Variants in IGSF10 observed in about 807,000 individuals in gnomAD.
IGSF10 encodes the protein calvaria mechanical force protein 608.
In IGSF10, 126 loss-of-function variants were observed where a neutral mutation model predicts 128.2. The observed-to-expected ratio is 0.98, with a 90% CI of 0.85 to 1.14. IGSF10 has a LOEUF of 1.14. Among genes scored for constraint, IGSF10 ranks in the 50% most tolerant of loss-of-function variants. IGSF10 has a pLI of 0.00. For missense variants in IGSF10, 3,295 were observed against 3,149.8 expected (o/e 1.05, Z -1.10); for synonymous variants, 1,185 against 1,146.2 (o/e 1.03, Z -0.68).
In IGSF10 at chr3:151,438,432, C is replaced by T. The variant is rs1560171506; in HGVS notation, c.6129G>A (p.Lys2043=). 6.2e-7 allele frequency: 1 copy of T among 1,614,110 alleles called. No homozygotes were observed. Among genetic ancestry groups the T allele is most frequent in the Non-Finnish European group, 8.5e-7 (1 of 1,180,022 alleles). ...GGAGCACTTGCTTTCTAAAATACTG[C>T]TTGTGGTCAATTTTGGCAGGTTTCA... ...LRLKPAKIDH[K]QYFRKQVLHG... Residue 2043 remains lysine (K), a synonymous_variant, in exon 8 of 8, where the codon AAG becomes AAA. Transcript: ENST00000282466.
the IGSF10 span, among the ~76,000 whole-genome samples, chr3:151,587,453 A>T: frequency 1.1e-4 from 17 of 152,208 alleles, no homozygotes; most frequent in African/African-American, 3.9e-4. Flanking sequence ...TAAAAAGAGT[A>T]GCTAACTTTT....
At chr3:151,515,271 T>C in the IGSF10 span, among the ~76,000 whole-genome samples, 1 of 151,800 alleles carries the variant, frequency 6.6e-6, no homozygotes, top group South Asian at 2.1e-4. Flanking sequence ...ATGTATGCCA[T>C]GGAATACTAC....
At chr3:151,442,880 A>T in intron 7 of IGSF10, 104 bp downstream of exon 7, 1 of 930,380 alleles carries the variant, frequency 1.1e-6, no homozygotes, top group Non-Finnish European at 1.6e-6. Context: ...GTCTATGTGT[A>T]CTCTAAAACT....
At chr3:151,610,216 G>A in the IGSF10 span, among the ~76,000 whole-genome samples, 1 of 152,134 alleles carries the variant, frequency 6.6e-6, no homozygotes, top group Non-Finnish European at 1.5e-5. Context: ...GATAGGACTT[G>A]CTACATATCT....
the IGSF10 span, among the ~76,000 whole-genome samples, chr3:151,561,920 G>A: frequency 2.0e-5 from 3 of 152,230 alleles, no homozygotes; most frequent in East Asian, 5.8e-4. Context: ...TAACCCATGT[G>A]TATAGCCTTG....
the IGSF10 span, among the ~76,000 whole-genome samples, chr3:151,541,302 A>C: frequency 6.6e-6 from 1 of 152,202 alleles, no homozygotes. Context: ...ACTTCAAGAC[A>C]GTATATCTTT....
the IGSF10 span, among the ~76,000 whole-genome samples, chr3:151,615,967 T>TTTTG: frequency 1.3e-5 from 2 of 149,430 alleles, no homozygotes. Flanking sequence ...TTTTGAGGTT[T>TTTTG]TTTTTTTTTT....
At chr3:151,561,534 T>C in the IGSF10 span, among the ~76,000 whole-genome samples, 2 of 152,156 alleles carry the variant, frequency 1.3e-5, no homozygotes, top group African/African-American at 2.4e-5. Context: ...ATATAAATAT[T>C]ATTTAATAGG....
At chr3:151,507,019 G>A in the IGSF10 span, among the ~76,000 whole-genome samples, 1 of 152,164 alleles carries the variant, frequency 6.6e-6, no homozygotes, top group Non-Finnish European at 1.5e-5. Flanking sequence ...TGCTTGATTT[G>A]ACTGTGAGCT....
chr3:151,522,667 G>C, the IGSF10 span, among the ~76,000 whole-genome samples: 15 of 152,104 alleles, frequency 9.9e-5, no homozygotes, highest in African/African-American at 3.6e-4. Context: ...TTTCAAACTA[G>C]GTATTGATGG....
At chr3:151,618,045 A>T in the IGSF10 span, among the ~76,000 whole-genome samples, 1 of 152,182 alleles carries the variant, frequency 6.6e-6, no homozygotes, top group East Asian at 1.9e-4. Context: ...AAAGATTTAA[A>T]CCTAATCCCC....
At chr3:151,575,842 A>G in the IGSF10 span, among the ~76,000 whole-genome samples, 3 of 152,194 alleles carry the variant, frequency 2.0e-5, no homozygotes, top group African/African-American at 4.8e-5. Flanking sequence ...AGCTGTTCCT[A>G]TTCGGCCATC....
In IGSF10 at chr3:151,437,820, A is replaced by G. The variant is rs1211238120; in HGVS notation, c.6741T>C (p.Ile2247=). The G allele has an allele frequency of 6.2e-7, 1 of 1,613,970 alleles. No homozygotes were observed. The highest frequency in any genetic ancestry group is 8.5e-7 in the Non-Finnish European group (1 of 1,180,006). ...INGLYTNRTV[I]KATAVRHSKK... is the part of the protein sequence containing the mutation. ...TGGAATGTCTCACAGCTGTGGCTTTAATAACAGTTCTGTTTGTATACAGAC... is the reference window on the plus strand; with the variant it reads ...TGGAATGTCTCACAGCTGTGGCTTTGATAACAGTTCTGTTTGTATACAGAC... The change falls in exon 8 of 8, where the codon ATT becomes ATC. Residue 2247 remains isoleucine (I), a synonymous_variant. Transcript: ENST00000282466.
chr3:151,551,662 TACACACACACACACACACAC>T, the IGSF10 span, among the ~76,000 whole-genome samples: 1 of 145,488 alleles, frequency 6.9e-6, no homozygotes, highest in East Asian at 2.0e-4. Flanking sequence ...ACATGGGCAT[TACACACACACACACACACAC>T]ACACACACAC....
the IGSF10 span, among the ~76,000 whole-genome samples, chr3:151,617,311 TTC>T: frequency 1.6e-5 from 2 of 125,314 alleles, no homozygotes; most frequent in East Asian, 4.6e-4. Context: ...CTTCTTCTTC[TTC>T]TTCTTCCCCT....
chr3:151,589,828 T>A, the IGSF10 span, among the ~76,000 whole-genome samples: 1 of 152,176 alleles, frequency 6.6e-6, no homozygotes, highest in Admixed American at 6.5e-5. Context: ...ATTCTTTTAC[T>A]AATTAATCCA....
the IGSF10 span, among the ~76,000 whole-genome samples, chr3:151,490,937 A>G: frequency 8.3e-4 from 126 of 152,260 alleles, no homozygotes; most frequent in Non-Finnish European, 1.3e-3. Flanking sequence ...AATAAATAGT[A>G]AAAGATTATG....
At chr3:151,575,231 C>G in the IGSF10 span, among the ~76,000 whole-genome samples, 1 of 139,814 alleles carries the variant, frequency 7.2e-6, no homozygotes, top group African/African-American at 3.0e-5. Flanking sequence ...GTCCACCATC[C>G]TGGGATAACT....
At chr3:151,471,630 G>C in the IGSF10 span, among the ~76,000 whole-genome samples, 1 of 152,184 alleles carries the variant, frequency 6.6e-6, no homozygotes, top group Non-Finnish European at 1.5e-5. Context: ...ATTTTGGAAT[G>C]ATATAGAAAC....
Sources: allele counts gnomAD v4.1 joint callset (sites outside exome capture counted in the v4.1 genomes callset), GRCh38; gene constraint gnomAD v4.1.1; transcripts MANE v1.5; gene names NCBI Gene and HGNC (gene_info 2026-07-23, HGNC 2026-07-21).